The following ANK3 variants were observed in gnomAD, a reference collection of about 807,000 sequenced individuals.
The protein encoded by ANK3 is ankyrin-3.
Under a neutral mutation model 370.9 loss-of-function variants are expected in ANK3, and 57 were observed. That is an observed-to-expected ratio of 0.15 (90% CI 0.12 to 0.19). ANK3 has a LOEUF of 0.19. ANK3 is among the 10% of genes least tolerant of loss of function. The pLI is 1.00. For missense variants in ANK3, 4,439 were observed against 5,302.1 expected, an observed-to-expected ratio of 0.84 and a Z score of 5.06; for synonymous variants, 1,929 against 1,946.3, an observed-to-expected ratio of 0.99 and a Z score of 0.23.
chr10:60,131,697 GCAC>G (rs2094078787), intron 25 of ANK3, among the ~76,000 whole-genome samples: 1 of 152,156 alleles, frequency 6.6e-6, no homozygotes, highest in Admixed American at 6.5e-5. Context: ...CCATTTTATA[GCAC>G]CACAAACACT....
intron 1 of ANK3, among the ~76,000 whole-genome samples, chr10:60,621,334 T>C (rs1474016518): frequency 6.6e-6 from 1 of 152,210 alleles, no homozygotes; most frequent in African/African-American, 2.4e-5. Flanking sequence ...AAATTCTAGA[T>C]TGTTTTGTCC....
chr10:60,212,904 AT>A (rs1447783775), intron 9 of ANK3, among the ~76,000 whole-genome samples: 1 of 152,088 alleles, frequency 6.6e-6, no homozygotes, highest in Non-Finnish European at 1.5e-5. Context: ...TCAACCATTA[AT>A]TTTTTTCAGG....
chr10:60,290,813 CA>C (rs1159829704), intron 1 of ANK3, among the ~76,000 whole-genome samples: 3 of 152,132 alleles, frequency 2.0e-5, no homozygotes, highest in Non-Finnish European at 4.4e-5. Flanking sequence ...GGCAAAACAA[CA>C]TTCCCAACTT....
intron 25 of ANK3, among the ~76,000 whole-genome samples, chr10:60,119,491 C>T (rs939572048): frequency 3.9e-5 from 6 of 152,212 alleles, no homozygotes; most frequent in African/African-American, 7.2e-5. Flanking sequence ...GGGCCAGGTG[C>T]GGTGGTGGCT....
chr10:60,689,534 T>C (rs988441257), intron 1 of ANK3, among the ~76,000 whole-genome samples: 2 of 152,086 alleles, frequency 1.3e-5, no homozygotes, highest in African/African-American at 4.8e-5. Context: ...GGTGGATCAC[T>C]TGAGCTCAGG....
At chr10:60,385,014 C>T (rs183802960) in intron 1 of ANK3, among the ~76,000 whole-genome samples, 3 of 152,280 alleles carry the variant, frequency 2.0e-5, no homozygotes, top group Non-Finnish European at 4.4e-5. Flanking sequence ...CTCCCTGCTG[C>T]TGCTGCTACA....
At chr10:60,583,540 G>C (rs1271523422) in intron 2 of ANK3, among the ~76,000 whole-genome samples, 1 of 137,228 alleles carries the variant, frequency 7.3e-6, no homozygotes, top group Non-Finnish European at 1.6e-5. Context: ...TTTTTGAGGT[G>C]GAATCTCGTT....
At chr10:60,399,669 G>C (rs1241927185) in intron 2 of ANK3, among the ~76,000 whole-genome samples, 3 of 152,140 alleles carry the variant, frequency 2.0e-5, no homozygotes, top group Non-Finnish European at 4.4e-5. Context: ...CTGCCCCAGT[G>C]CTTCCGCCGG....
chr10:60,080,743 TC>T, intron 35 of ANK3, 125 bp from the exon 36 acceptor site: 1 of 867,336 alleles, frequency 1.2e-6, no homozygotes, highest in Non-Finnish European at 1.7e-6. Context: ...AATGTTAATT[TC>T]CCACTGGGAT....
intron 1 of ANK3, among the ~76,000 whole-genome samples, chr10:60,718,405 A>C (rs1280528993): frequency 1.3e-5 from 2 of 152,160 alleles, no homozygotes; most frequent in Non-Finnish European, 2.9e-5. Flanking sequence ...CGACGAAGCA[A>C]GGAATGTATT....
rs771714886 is a variant in ANK3, at chr10:60,177,593, CTT to C, written c.2184+3734_2184+3735del. Among the ~76,000 whole-genome samples the C allele has an allele frequency of 8.5e-5, 9 of 106,272 alleles. 1 individual carries two copies. Among genetic ancestry groups the C allele is most frequent in the East Asian group, 6.4e-4 (2 of 3,126 alleles). The allele number at this position is 106,272 out of a possible 152,430, so 69.7% of individuals were successfully genotyped here. On this transcript the variant is annotated intron_variant, in intron 18 of 43. Coordinates refer to ENST00000280772, the MANE Select transcript of ANK3 (RefSeq NM_020987.5). ...CCCATACCACACATGGTCTTCAAAT[CTT>C]TTTTTTTTTTTTTTTTGTTTGAGAT...
Position 60,073,212 on chromosome 10 carries a change from T to C in ANK3, c.7669A>G (p.Met2557Val). The change falls in exon 37 of 44, where the codon ATG (methionine) becomes GTG (valine). Residue 2557 changes from methionine (M) to valine (V), a missense_variant. This residue lies in a region of ANK3 where 1,601 missense variants were observed against 1,731.7 expected (regional missense o/e 0.92). Coordinates refer to ENST00000280772, the MANE Select transcript of ANK3 (RefSeq NM_020987.5). Reference sequence around the variant, plus strand: ...TCTAATCTGTCCTCAGTAAAGCGCATCCACATGGCATGTTTTGGACTACTA... The same window carrying C: ...TCTAATCTGTCCTCAGTAAAGCGCACCCACATGGCATGTTTTGGACTACTA... ...NVSSPKHAMW[M>V]RFTEDRLDRG... The C allele has an allele frequency of 6.2e-7, 1 of 1,614,174 alleles. No individual in the cohort carries two copies.
intron 1 of ANK3, among the ~76,000 whole-genome samples, chr10:60,290,268 T>C (rs1214238359): frequency 6.6e-6 from 1 of 152,204 alleles, no homozygotes; most frequent in Non-Finnish European, 1.5e-5. Flanking sequence ...GCAAATGCAT[T>C]ATTTTCAAGT....
intron 1 of ANK3, among the ~76,000 whole-genome samples, chr10:60,357,881 C>T (rs1356269273): frequency 6.6e-6 from 1 of 152,150 alleles, no homozygotes; most frequent in Non-Finnish European, 1.5e-5. Context: ...TCTCCTTCTG[C>T]AATGGCAGAA....
At chr10:60,236,067 A>T (rs192105935) in intron 7 of ANK3, among the ~76,000 whole-genome samples, 1 of 152,216 alleles carries the variant, frequency 6.6e-6, no homozygotes, top group East Asian at 1.9e-4. Context: ...GGGCAAAAAA[A>T]CATAATGAAC....
chr10:60,463,093 T>A (rs2064927913), intron 2 of ANK3, among the ~76,000 whole-genome samples: 1 of 152,030 alleles, frequency 6.6e-6, no homozygotes, highest in Non-Finnish European at 1.5e-5. Context: ...TTGTAGAGAC[T>A]GGGTTTCACC....
At chr10:60,504,176 AG>A (rs1376102324) in intron 2 of ANK3, among the ~76,000 whole-genome samples, 1 of 152,214 alleles carries the variant, frequency 6.6e-6, no homozygotes, top group Non-Finnish European at 1.5e-5. Flanking sequence ...GCTTTAATAT[AG>A]AGATGGGAGT....
Position 60,074,054 on chromosome 10 carries a change from A to ATGT in ANK3, c.6824_6826dup (p.Asp2275_Ile2276insAsn), listed in dbSNP as rs1174640541. On this transcript the variant is annotated inframe_insertion, in exon 37 of 44. Transcript: ENST00000280772. The stretch of plus-strand genomic sequence containing the variant: ...CCGCCCGGACTGAAAGGCCTTCATG[A>ATGT]TGTCATGGACTGACATGGTTTCTTC... 1 of 1,614,086 alleles carries ATGT rather than the reference A, an allele frequency of 6.2e-7. No homozygotes were observed. Among genetic ancestry groups the ATGT allele is most frequent in the East Asian group, 2.2e-5 (1 of 44,850 alleles).
intron 2 of ANK3, among the ~76,000 whole-genome samples, chr10:60,454,309 C>T (rs2064689277): frequency 6.6e-6 from 1 of 152,114 alleles, no homozygotes; most frequent in African/African-American, 2.4e-5. Flanking sequence ...AGAAAAAGAA[C>T]AATCCACAGA....
Sources: gnomAD v4.1 joint callset for allele counts (sites outside exome capture counted in the v4.1 genomes callset) on GRCh38, gnomAD v4.1.1 for gene constraint, gnomAD v4.1.1 regional missense constraint, MANE v1.5 for transcripts, NCBI Gene and HGNC (gene_info 2026-07-23, HGNC 2026-07-21) for gene names.